The following KCNIP4 variants were observed in gnomAD, a reference collection of about 807,000 sequenced individuals.
KCNIP4 encodes the protein potassium voltage-gated channel interacting protein 4, also known as Kv channel-interacting protein 4.
A neutral mutation model predicts 34.0 loss-of-function variants in KCNIP4; 12 were observed. The observed-to-expected ratio is 0.35, with a 90% CI of 0.23 to 0.57. KCNIP4 has a LOEUF of 0.57. KCNIP4 is among the 20% of genes least tolerant of loss of function. The pLI is 0.83. For missense variants in KCNIP4, 238 were observed against 311.7 expected (o/e 0.76, Z 1.78); for synonymous variants, 124 against 102.2 (o/e 1.21, Z -1.29).
At chr4:21,822,074 A>G (rs1207672578) in intron 1 of KCNIP4, among the ~76,000 whole-genome samples, 2 of 152,180 alleles carry the variant, frequency 1.3e-5, no homozygotes, top group Non-Finnish European at 2.9e-5. Flanking sequence ...AAAATAAAGT[A>G]ATCATTGCCT....
chr4:21,332,821 A>G (rs778817657), intron 1 of KCNIP4, among the ~76,000 whole-genome samples: 6 of 152,086 alleles, frequency 3.9e-5, no homozygotes, highest in Non-Finnish European at 8.8e-5. Context: ...GTACTATATC[A>G]TACTGTTCCT....
At chr4:20,896,610 A>G (rs1163673599) in intron 1 of KCNIP4, among the ~76,000 whole-genome samples, 1 of 152,144 alleles carries the variant, frequency 6.6e-6, no homozygotes, top group Non-Finnish European at 1.5e-5. Context: ...GAGCCAGGAG[A>G]GGAACAAGAA....
chr4:21,370,281 G>C (rs1495512), intron 1 of KCNIP4, among the ~76,000 whole-genome samples: 1 of 146,664 alleles, frequency 6.8e-6, no homozygotes, highest in East Asian at 2.0e-4. Flanking sequence ...AAACTATGTG[G>C]CCCAGTTAGA....
At chr4:21,190,744 ACT>A in intron 1 of KCNIP4, among the ~76,000 whole-genome samples, 1 of 151,198 alleles carries the variant, frequency 6.6e-6, no homozygotes, top group East Asian at 2.0e-4. Context: ...GAAGAAAGAA[ACT>A]CTAATGGCCA....
intron 1 of KCNIP4, among the ~76,000 whole-genome samples, chr4:21,244,296 T>C (rs1760050264): frequency 6.6e-6 from 1 of 152,126 alleles, no homozygotes; most frequent in Admixed American, 6.6e-5. Context: ...GGCAAAGAAA[T>C]GGTTTCCTTT....
At chr4:21,129,046 C>G (rs1398589414) in intron 1 of KCNIP4, among the ~76,000 whole-genome samples, 1 of 152,132 alleles carries the variant, frequency 6.6e-6, no homozygotes, top group Non-Finnish European at 1.5e-5. Flanking sequence ...TCCCAGGTGT[C>G]AAGGGCAGGG....
chr4:20,933,406 G>T (rs1730693622), intron 1 of KCNIP4, among the ~76,000 whole-genome samples: 1 of 152,254 alleles, frequency 6.6e-6, no homozygotes, highest in South Asian at 2.1e-4. Flanking sequence ...AATCTGATAA[G>T]TAAATGTTCT....
intron 3 of KCNIP4, among the ~76,000 whole-genome samples, chr4:20,842,119 C>G (rs1719800646): frequency 6.6e-6 from 1 of 152,150 alleles, no homozygotes; most frequent in Non-Finnish European, 1.5e-5. Flanking sequence ...CAATGGAATA[C>G]AAACTCTAAA....
intron 1 of KCNIP4, among the ~76,000 whole-genome samples, chr4:21,423,559 G>A (rs1234095459): frequency 6.6e-6 from 1 of 152,118 alleles, no homozygotes; most frequent in East Asian, 1.9e-4. Flanking sequence ...ACAAATTAGT[G>A]ATTAACTTCT....
chr4:21,189,157 T>G (rs1159146804), intron 1 of KCNIP4, among the ~76,000 whole-genome samples: 1 of 152,204 alleles, frequency 6.6e-6, no homozygotes, highest in Admixed American at 6.5e-5. Flanking sequence ...ATTCCAAGTG[T>G]TTTATAAATA....
At chr4:21,632,459 A>G (rs1745833497) in intron 1 of KCNIP4, among the ~76,000 whole-genome samples, 1 of 152,158 alleles carries the variant, frequency 6.6e-6, no homozygotes, top group Non-Finnish European at 1.5e-5. Flanking sequence ...TCCTGACCCC[A>G]AGTGATCCAC....
intron 3 of KCNIP4, among the ~76,000 whole-genome samples, chr4:20,836,165 ACT>A (rs1321138748): frequency 2.0e-5 from 3 of 151,998 alleles, no homozygotes. Context: ...AGTCTGCAAG[ACT>A]CTGCTTGACT....
chr4:21,571,072 G>A (rs1248282753), intron 1 of KCNIP4, among the ~76,000 whole-genome samples: 3 of 152,072 alleles, frequency 2.0e-5, no homozygotes, highest in African/African-American at 4.8e-5. Context: ...TCATCCATGA[G>A]GTCACCTCAA....
At chr4:20,861,688 C>T (rs1722210605) in intron 2 of KCNIP4, among the ~76,000 whole-genome samples, 1 of 152,110 alleles carries the variant, frequency 6.6e-6, no homozygotes, top group African/African-American at 2.4e-5. Flanking sequence ...GTTACAGGTA[C>T]TTGTTGGCAA....
At chr4:20,843,153 C>A (rs1382218348) in intron 3 of KCNIP4, among the ~76,000 whole-genome samples, 1 of 152,082 alleles carries the variant, frequency 6.6e-6, no homozygotes, top group Non-Finnish European at 1.5e-5. Context: ...AGTGATCCAG[C>A]CGCCTAGGCT....
chr4:21,861,419 A>G (rs2109351300), intron 1 of KCNIP4, among the ~76,000 whole-genome samples: 1 of 152,284 alleles, frequency 6.6e-6, no homozygotes. Flanking sequence ...TGGGAGGCCA[A>G]GGCAGGTGGA....
intron 1 of KCNIP4, among the ~76,000 whole-genome samples, chr4:21,553,667 G>T (rs1738760340): frequency 6.6e-6 from 1 of 151,752 alleles, no homozygotes; most frequent in Non-Finnish European, 1.5e-5. Context: ...TTGTAAATGG[G>T]GTCATGATAA....
intron 1 of KCNIP4, among the ~76,000 whole-genome samples, chr4:21,276,848 C>A (rs1325757636): frequency 6.6e-6 from 1 of 152,114 alleles, no homozygotes; most frequent in African/African-American, 2.4e-5. Flanking sequence ...TGTCCGTTTA[C>A]TCATCAATTC....
intron 1 of KCNIP4, among the ~76,000 whole-genome samples, chr4:20,931,786 G>A (rs1267316092): frequency 6.6e-6 from 1 of 151,794 alleles, no homozygotes; most frequent in Non-Finnish European, 1.5e-5. Flanking sequence ...GGTGGGTGGG[G>A]GAAAAAATGA....
Sources: allele counts gnomAD v4.1 joint callset (sites outside exome capture counted in the v4.1 genomes callset), GRCh38; gene constraint gnomAD v4.1.1; transcripts MANE v1.5; gene names NCBI Gene and HGNC (gene_info 2026-07-23, HGNC 2026-07-21).